GRIA1: variants seen among roughly 807,000 people sequenced by gnomAD.
GRIA1 encodes the protein glutamate receptor 1.
A neutral mutation model predicts 99.2 loss-of-function variants in GRIA1; 31 were observed. The observed-to-expected ratio is 0.31, with a 90% CI of 0.23 to 0.42. The LOEUF (loss-of-function observed/expected upper bound fraction) is 0.42, where lower values mean the gene tolerates loss of function less well. Ranked by LOEUF, GRIA1 falls within the 10% of genes least tolerant of loss-of-function variation. The probability of loss-of-function intolerance (pLI) is 1.00; values close to 1 mark genes in which losing one functional copy is unlikely to be tolerated. For synonymous variants in GRIA1, 438 were observed against 432.4 expected (o/e 1.01, Z -0.16); for missense variants, 782 against 1,157.5 (o/e 0.68, Z 4.71).
At chr5:153,569,556 A>C (rs1408989239) in intron 2 of GRIA1, among the ~76,000 whole-genome samples, 1 of 151,928 alleles carries the variant, frequency 6.6e-6, no homozygotes, top group Non-Finnish European at 1.5e-5. Flanking sequence ...GGCCCGCCTG[A>C]ACCTGGGATA....
intron 8 of GRIA1, among the ~76,000 whole-genome samples, chr5:153,694,348 A>G (rs977446736): frequency 3.3e-5 from 5 of 152,180 alleles, no homozygotes; most frequent in Admixed American, 2.0e-4. Context: ...CATTCTATAC[A>G]TAAAGAAGGG....
rs150965805 is a variant in GRIA1 at position 153,765,332 on chromosome 5, T to G, written c.2022+700T>G. ...TCCATGTAATGAGGAGAACAATGTC[T>G]ATATCAGAGCTTAACAAGACTAAAA... On this transcript the variant is annotated intron_variant, in intron 12 of 15. Transcript: ENST00000285900. 6.0e-3 allele frequency among the ~76,000 whole-genome samples: 921 copies of G among 152,266 alleles called. 10 individuals are homozygous for G. The highest frequency in any genetic ancestry group is 0.021 in the African/African-American group (880 of 41,536).
At chr5:153,808,039 G>A (rs1766558315) in intron 15 of GRIA1, among the ~76,000 whole-genome samples, 1 of 152,238 alleles carries the variant, frequency 6.6e-6, no homozygotes. Flanking sequence ...GTGGTCACTG[G>A]TGCTTTGCAC....
At chr5:153,679,935 A>G (rs1023095599) in intron 7 of GRIA1, among the ~76,000 whole-genome samples, 3 of 152,254 alleles carry the variant, frequency 2.0e-5, no homozygotes, top group Non-Finnish European at 4.4e-5. Context: ...ACAAAGCTCT[A>G]AACATTTACA....
At chr5:153,694,495 A>G (rs1448790661) in intron 8 of GRIA1, among the ~76,000 whole-genome samples, 1 of 152,212 alleles carries the variant, frequency 6.6e-6, no homozygotes, top group Non-Finnish European at 1.5e-5. Flanking sequence ...ACCCTAATGA[A>G]TATCATTTTT....
chr5:153,677,207 G>T, intron 7 of GRIA1, 46 bp downstream of exon 7: 1 of 1,333,736 alleles, frequency 7.5e-7, no homozygotes, highest in South Asian at 2.4e-5. Context: ...CCTACTGGGG[G>T]ATTTCAGCAT....
intron 11 of GRIA1, among the ~76,000 whole-genome samples, chr5:153,715,892 C>T (rs6861158): frequency 2.0e-4 from 30 of 152,236 alleles, no homozygotes; most frequent in African/African-American, 7.0e-4. Context: ...AAGAGAAAAT[C>T]GGCTAATAGG....
chr5:153,567,690 G>A lies in GRIA1; in HGVS notation c.220+73625G>A, dbSNP rs117841046. Among the ~76,000 whole-genome samples, 95 of 152,312 alleles carry A rather than the reference G, an allele frequency of 6.2e-4. 1 individual carries two copies. The highest frequency in any genetic ancestry group is 5.8e-3 in the East Asian group (30 of 5,184). ...CTCCGAGTGATGACCTGAAGACAGA[G>A]TCCACCTTATGGGAAGCAGTGGAGC... On this transcript the variant is annotated intron_variant, in intron 2 of 15. Transcript: ENST00000285900.
chr5:153,793,564 C>G (rs1490561463), intron 13 of GRIA1, among the ~76,000 whole-genome samples: 2 of 152,212 alleles, frequency 1.3e-5, no homozygotes, highest in African/African-American at 4.8e-5. Flanking sequence ...AGGTGGCAAA[C>G]TCAGCCAACA....
intron 2 of GRIA1, among the ~76,000 whole-genome samples, chr5:153,586,892 T>C (rs760442794): frequency 1.3e-5 from 2 of 152,238 alleles, no homozygotes; most frequent in South Asian, 4.1e-4. Flanking sequence ...AGAAAACTGA[T>C]AGTCCACTTG....
chr5:153,741,677 C>CACTT (rs1343710566), intron 11 of GRIA1, among the ~76,000 whole-genome samples: 1 of 152,044 alleles, frequency 6.6e-6, no homozygotes. Context: ...CGCATGGTTC[C>CACTT]ACTTATATGA....
At chr5:153,501,660 T>C (rs1755022690) in intron 2 of GRIA1, among the ~76,000 whole-genome samples, 2 of 152,232 alleles carry the variant, frequency 1.3e-5, no homozygotes, top group South Asian at 2.1e-4. Context: ...GTCTGGCTTG[T>C]GTTTCAATGG....
chr5:153,655,932 G>T, intron 5 of GRIA1, 60 bp downstream of exon 5: 1 of 1,432,906 alleles, frequency 7.0e-7, no homozygotes, highest in Non-Finnish European at 9.8e-7. Context: ...GCCCTACCTT[G>T]CTTCTGTTGT....
At chr5:153,740,704 A>G (rs4424038) in intron 11 of GRIA1, among the ~76,000 whole-genome samples, 42,040 of 152,030 alleles carry the variant, frequency 0.28, 7,153 homozygotes, top group East Asian at 0.92. Flanking sequence ...CCATTTCCAT[A>G]CTGATGCTAG....
At chr5:153,665,272 G>T (rs1010762140) in intron 5 of GRIA1, among the ~76,000 whole-genome samples, 6 of 152,204 alleles carry the variant, frequency 3.9e-5, no homozygotes, top group African/African-American at 1.4e-4. Flanking sequence ...CATTTACAAT[G>T]CTTTGTCAAT....
chr5:153,768,358 C>G (rs1763654631), intron 12 of GRIA1, among the ~76,000 whole-genome samples: 1 of 152,064 alleles, frequency 6.6e-6, no homozygotes, highest in African/African-American at 2.4e-5. Flanking sequence ...CCCAAACTCC[C>G]TATGGAATGG....
chr5:153,607,042 G>GACATATATAT (rs371829594), intron 2 of GRIA1, among the ~76,000 whole-genome samples: 2 of 127,760 alleles, frequency 1.6e-5, no homozygotes, highest in Non-Finnish European at 3.4e-5. Flanking sequence ...TATCACAAAA[G>GACATATATAT]ATATATATAT....
chr5:153,811,898 G>C lies in GRIA1; in HGVS notation c.*673G>C, dbSNP rs1361495698. The C allele has an allele frequency of 6.6e-6, 1 of 152,552 alleles. No homozygotes were observed. Among genetic ancestry groups the C allele is most frequent in the Non-Finnish European group, 1.5e-5 (1 of 68,334 alleles). The allele number at this position is 152,552 out of a possible 1,614,324, so 9.4% of individuals were successfully genotyped here. The stretch of plus-strand genomic sequence containing the variant: ...AGCACTTATTCAGTGGAGAACACAG[G>C]TGAAAAGCAACTCAGGATGAGGGTG... On this transcript the variant is annotated 3_prime_UTR_variant, in exon 16 of 16. Transcript: ENST00000285900.
chr5:153,740,838 T>TGTCA (rs1761727608), intron 11 of GRIA1, among the ~76,000 whole-genome samples: 1 of 152,194 alleles, frequency 6.6e-6, no homozygotes, highest in African/African-American at 2.4e-5. Context: ...GCAGTTTCTC[T>TGTCA]GTCATTCTTA....
Sources: allele counts gnomAD v4.1 joint callset (sites outside exome capture counted in the v4.1 genomes callset), GRCh38; gene constraint gnomAD v4.1.1; transcripts MANE v1.5; gene names NCBI Gene and HGNC (gene_info 2026-07-23, HGNC 2026-07-21).